MUC7: variants seen among roughly 807,000 people sequenced by gnomAD.
The protein encoded by MUC7 is mucin 7, secreted, also known as mucin-7.
Under a neutral mutation model 2.5 loss-of-function variants are expected in MUC7, and 2 were observed. The observed-to-expected ratio is 0.81, with a 90% confidence interval of 0.33 to 2.55. MUC7 has a LOEUF of 2.55. Among genes scored for constraint, MUC7 ranks in the 30% most tolerant of loss-of-function variants. MUC7 has a pLI of 0.11. For missense variants in MUC7, 408 were observed against 455.6 expected (o/e 0.90, Z 0.95); for synonymous variants, 133 against 173.4 (o/e 0.77, Z 1.83).
chr4:70,451,135 G>T (rs1734270009), intron 1 of MUC7, among the ~76,000 whole-genome samples: 2 of 152,176 alleles, frequency 1.3e-5, no homozygotes, highest in African/African-American at 4.8e-5. Context: ...CACTAGGACT[G>T]GTGATTCTCC....
intron 1 of MUC7, among the ~76,000 whole-genome samples, chr4:70,440,999 T>C (rs1733991189): frequency 6.6e-6 from 1 of 152,140 alleles, no homozygotes; most frequent in Non-Finnish European, 1.5e-5. Context: ...TATTAATATA[T>C]GCAACTAATT....
intron 1 of MUC7, among the ~76,000 whole-genome samples, chr4:70,437,090 A>C (rs758769029): frequency 1.3e-5 from 2 of 152,098 alleles, no homozygotes; most frequent in Middle Eastern, 3.2e-3. Context: ...CCAGAAGGGT[A>C]CCCACCTGTA....
Position 70,480,816 on chromosome 4 carries a change from A to G in MUC7, c.72A>G (p.Glu24=). The change falls in exon 3 of 3, where the codon GAA becomes GAG. Residue 24 remains glutamate (E), a synonymous_variant. Coordinates refer to ENST00000304887, the MANE Select transcript of MUC7 (RefSeq NM_152291.3). ...SACFSFSEGR[E]RDHELRHRRH... is the part of the protein sequence containing the mutation. ...TTCTGCAGTTCAGTGAAGGTCGAGA[A>G]AGGGATCATGAACTACGTCACAGAA... 6.2e-7 allele frequency: 1 copy of G among 1,613,364 alleles called. No individual in the cohort carries two copies. Among genetic ancestry groups the G allele is most frequent in the Non-Finnish European group, 8.5e-7 (1 of 1,179,422 alleles).
chr4:70,438,300 C>T (rs1014212527), intron 1 of MUC7, among the ~76,000 whole-genome samples: 1 of 152,108 alleles, frequency 6.6e-6, no homozygotes. Flanking sequence ...TTTTCTTTCA[C>T]CTTTTTACAA....
chr4:70,466,514 C>T (rs930732649), intron 1 of MUC7, among the ~76,000 whole-genome samples: 6 of 151,886 alleles, frequency 4.0e-5, no homozygotes, highest in East Asian at 1.9e-4. Flanking sequence ...TCAGGAGACC[C>T]ATCTTATGTG....
intron 1 of MUC7, among the ~76,000 whole-genome samples, chr4:70,465,746 T>C (rs1417344773): frequency 2.6e-5 from 4 of 152,146 alleles, no homozygotes; most frequent in Non-Finnish European, 5.9e-5. Flanking sequence ...TATGGGACTA[T>C]GTGAAAAGAC....
At chr4:70,468,369 T>C (rs1390196312), upstream of MUC7, among the ~76,000 whole-genome samples, 1 of 152,142 alleles carries the variant, frequency 6.6e-6, no homozygotes, top group East Asian at 1.9e-4. Context: ...ATGCCCTCTC[T>C]CACCACTCCT....
chr4:70,479,902 C>A (rs894006461), intron 2 of MUC7, among the ~76,000 whole-genome samples: 1 of 152,148 alleles, frequency 6.6e-6, no homozygotes, highest in African/African-American at 2.4e-5. Context: ...AAAAAACAAA[C>A]CTACATTCAG....
At chr4:70,449,451 C>A (rs1288789779) in intron 1 of MUC7, among the ~76,000 whole-genome samples, 3 of 152,136 alleles carry the variant, frequency 2.0e-5, no homozygotes, top group African/African-American at 4.8e-5. Context: ...GGGAAAACCA[C>A]CCCCATGATT....
upstream of MUC7, among the ~76,000 whole-genome samples, chr4:70,470,175 C>A (rs1224709289): frequency 6.6e-6 from 1 of 152,148 alleles, no homozygotes; most frequent in Non-Finnish European, 1.5e-5. Context: ...CCAAACACTG[C>A]ATGTTCTCAC....
intron 1 of MUC7, among the ~76,000 whole-genome samples, chr4:70,446,641 C>A (rs1193783814): frequency 2.0e-5 from 3 of 152,170 alleles, no homozygotes; most frequent in African/African-American, 4.8e-5. Context: ...AATAAGGCCA[C>A]ATTCTGAGGT....
At chr4:70,447,065 T>A (rs1260858225) in intron 1 of MUC7, among the ~76,000 whole-genome samples, 2 of 34,392 alleles carry the variant, frequency 5.8e-5, no homozygotes, top group African/African-American at 1.1e-4. Flanking sequence ...AGGAATTGGG[T>A]GGGTGGGCAG....
chr4:70,441,163 T>A (rs1201263781), intron 1 of MUC7, among the ~76,000 whole-genome samples: 1 of 152,186 alleles, frequency 6.6e-6, no homozygotes, highest in Non-Finnish European at 1.5e-5. Context: ...ACAGATTATA[T>A]CCCTACCTCC....
At chr4:70,456,171 C>A (rs1267163693) in intron 1 of MUC7, among the ~76,000 whole-genome samples, 1 of 152,172 alleles carries the variant, frequency 6.6e-6, no homozygotes, top group African/African-American at 2.4e-5. Context: ...TCCATATTTT[C>A]AAATATCTTT....
intron 1 of MUC7, among the ~76,000 whole-genome samples, chr4:70,453,712 C>T (rs1430780806): frequency 6.6e-6 from 1 of 152,136 alleles, no homozygotes; most frequent in Non-Finnish European, 1.5e-5. Flanking sequence ...ACCATAGCCA[C>T]CACAGCTGGG....
Position 70,472,844 on chromosome 4 carries a change from C to CA in MUC7, c.-16+554dup, listed in dbSNP as rs1306320968. On this transcript the variant is annotated intron_variant, in intron 1 of 2. Transcript: ENST00000304887. ...AAGTGTGTCTAATCTCACAGCCCAC[C>CA]ACATTGACATGCACACTAATTACCT... Among the ~76,000 whole-genome samples, 4 of 152,266 alleles carry CA rather than the reference C, an allele frequency of 2.6e-5. No homozygotes were observed. The East Asian group carries it at 7.7e-4, about 29-fold the overall frequency.
chr4:70,438,747 C>T (rs935925599), intron 1 of MUC7, among the ~76,000 whole-genome samples: 16 of 152,066 alleles, frequency 1.1e-4, no homozygotes, highest in Admixed American at 6.6e-5. Flanking sequence ...CATGAGCCAC[C>T]GCACCTGGCC....
At chr4:70,455,776 G>A (rs756867073) in intron 1 of MUC7, among the ~76,000 whole-genome samples, 6 of 152,034 alleles carry the variant, frequency 3.9e-5, no homozygotes, top group Non-Finnish European at 5.9e-5. Context: ...CACACGCCAC[G>A]CCCCTCCCAA....
At chr4:70,476,598 C>T (rs746021052) in intron 2 of MUC7, among the ~76,000 whole-genome samples, 8 of 152,250 alleles carry the variant, frequency 5.3e-5, no homozygotes, top group Non-Finnish European at 8.8e-5. Flanking sequence ...ACCAGCCTGG[C>T]CAACATGGTG....
Sources: gnomAD v4.1 joint callset for allele counts (sites outside exome capture counted in the v4.1 genomes callset) on GRCh38, gnomAD v4.1.1 for gene constraint, MANE v1.5 for transcripts, NCBI Gene and HGNC (gene_info 2026-07-23, HGNC 2026-07-21) for gene names.